CNTNAP4: variants seen among roughly 807,000 people sequenced by gnomAD.
CNTNAP4 encodes the protein contactin associated protein family member 4.
In CNTNAP4, 98 loss-of-function variants were observed where a neutral mutation model predicts 148.4. The ratio of observed to expected loss-of-function variants is 0.66; its 90% CI spans 0.56 to 0.78. The LOEUF is 0.78. CNTNAP4 is among the 30% of genes least tolerant of loss of function. The pLI is 0.00. For missense variants in CNTNAP4, 1,935 were observed against 1,565.6 expected, an observed-to-expected ratio of 1.24 and a Z score of -3.98; for synonymous variants, 730 against 565.1, an observed-to-expected ratio of 1.29 and a Z score of -4.14.
chr16:76,460,596 C>G (rs1351024581), intron 8 of CNTNAP4, among the ~76,000 whole-genome samples: 77 of 144,532 alleles, frequency 5.3e-4, no homozygotes, highest in African/African-American at 1.7e-3. Context: ...CCCGTCTCTA[C>G]TAAAAATACA....
intron 1 of CNTNAP4, among the ~76,000 whole-genome samples, chr16:76,310,830 C>T (rs1567656650): frequency 6.6e-6 from 1 of 151,952 alleles, no homozygotes; most frequent in Non-Finnish European, 1.5e-5. Flanking sequence ...TTTAGGTCAC[C>T]AGTGCTTGTT....
intron 3 of CNTNAP4, among the ~76,000 whole-genome samples, chr16:76,374,288 C>T (rs188984990): frequency 6.4e-4 from 98 of 152,192 alleles, no homozygotes; most frequent in African/African-American, 2.2e-3. Flanking sequence ...ATATCAGTTT[C>T]AGAGAAAAGA....
At chr16:76,475,610 T>A (rs1172719255) in intron 10 of CNTNAP4, among the ~76,000 whole-genome samples, 2 of 152,196 alleles carry the variant, frequency 1.3e-5, no homozygotes, top group Non-Finnish European at 2.9e-5. Flanking sequence ...AGCAATTCAA[T>A]GTGATAAAAT....
intron 15 of CNTNAP4, among the ~76,000 whole-genome samples, chr16:76,517,712 T>C (rs2083302728): frequency 6.6e-6 from 1 of 152,206 alleles, no homozygotes; most frequent in Admixed American, 6.5e-5. Flanking sequence ...TAAAGTGTGC[T>C]ATTGAATGGC....
chr16:76,550,705 C>T (rs1199327722), intron 21 of CNTNAP4, among the ~76,000 whole-genome samples: 3 of 150,880 alleles, frequency 2.0e-5, no homozygotes, highest in Non-Finnish European at 2.9e-5. Context: ...ATCAAGAATG[C>T]GGTCTTTTTC....
At chr16:76,326,770 AG>A (rs1304976466) in intron 2 of CNTNAP4, among the ~76,000 whole-genome samples, 13 of 137,858 alleles carry the variant, frequency 9.4e-5, no homozygotes, top group African/African-American at 3.5e-4. Flanking sequence ...GGACACAGGA[AG>A]GGGAACATCA....
chr16:76,279,751 A>G lies in CNTNAP4; in HGVS notation c.85+2004A>G, dbSNP rs529658363. On this transcript the variant is annotated intron_variant, in intron 1 of 23. Coordinates refer to ENST00000611870, the MANE Select transcript of CNTNAP4 (RefSeq NM_033401.5). ...AATGACCTTATATAATTAAAGTTGC[A>G]CTCAGTAATTTATTGTGAATATTTT... is the stretch of plus-strand genomic sequence containing the variant. Among the ~76,000 whole-genome samples the G allele has an allele frequency of 1.1e-4, 16 of 152,300 alleles. No homozygotes were observed. The South Asian group carries it at 3.1e-3, about 30-fold the overall frequency.
intron 3 of CNTNAP4, among the ~76,000 whole-genome samples, chr16:76,394,397 A>T (rs1375585552): frequency 6.6e-6 from 1 of 152,224 alleles, no homozygotes; most frequent in African/African-American, 2.4e-5. Flanking sequence ...TATGTCCTCT[A>T]AATGCTAATT....
intron 4 of CNTNAP4, among the ~76,000 whole-genome samples, chr16:76,430,199 T>C (rs1160669213): frequency 6.6e-6 from 1 of 152,222 alleles, no homozygotes; most frequent in Admixed American, 6.5e-5. Context: ...TTAAAGTTAA[T>C]ATGTGTCAGA....
intron 4 of CNTNAP4, among the ~76,000 whole-genome samples, chr16:76,435,959 C>T (rs1053310686): frequency 1.4e-4 from 22 of 152,104 alleles, no homozygotes; most frequent in East Asian, 7.7e-4. Context: ...CCAGATTTCT[C>T]TTCATATAAA....
At chr16:76,336,036 G>A (rs1053558758) in intron 2 of CNTNAP4, among the ~76,000 whole-genome samples, 2 of 152,116 alleles carry the variant, frequency 1.3e-5, no homozygotes, top group Non-Finnish European at 2.9e-5. Flanking sequence ...TTGATGGAAA[G>A]GTAGACAAAT....
Position 76,462,172 on chromosome 16 carries a change from C to T in CNTNAP4, c.1483+67C>T, listed in dbSNP as rs574240314. 3.3e-5 allele frequency: 45 copies of T among 1,359,914 alleles called. 1 individual carries two copies. Among genetic ancestry groups the T allele is most frequent in the Middle Eastern group, 4.7e-4 (2 of 4,296 alleles). 84.2% of individuals were successfully genotyped at this position (1,359,914 alleles called of 1,614,324 possible). ...TTGCATTAGTGCCCCCGTGTCTTGG[C>T]GAAGTCATCATGTTTTAACTAATAT... On this transcript the variant is annotated intron_variant, in intron 9 of 23. Transcript: ENST00000611870.
At chr16:76,434,476 G>C (rs571927684) in intron 4 of CNTNAP4, among the ~76,000 whole-genome samples, 2 of 152,278 alleles carry the variant, frequency 1.3e-5, no homozygotes, top group East Asian at 1.9e-4. Flanking sequence ...TAGTACAACA[G>C]CTGCAATTGC....
chr16:76,436,947 C>A (rs527758981), intron 4 of CNTNAP4, among the ~76,000 whole-genome samples: 1 of 113,098 alleles, frequency 8.8e-6, no homozygotes, highest in East Asian at 2.8e-4. Context: ...CAGTATTAAT[C>A]TGACTAATAC....
Position 76,558,832 on chromosome 16 carries a change from A to G in CNTNAP4, c.*149A>G. Reference sequence around the variant, plus strand: ...CCATGTACAGGCTTGGGGTGGCTCCAGGAAGCCTCGTCCAGTGATATATTT... The same window carrying G: ...CCATGTACAGGCTTGGGGTGGCTCCGGGAAGCCTCGTCCAGTGATATATTT... On this transcript the variant is annotated 3_prime_UTR_variant, in exon 24 of 24. Transcript: ENST00000611870. 1 of 539,972 alleles carries G rather than the reference A, an allele frequency of 1.9e-6. No homozygotes were observed. The highest frequency in any genetic ancestry group is 3.0e-5 in the East Asian group (1 of 33,040). 33.4% of individuals were successfully genotyped at this position (539,972 alleles called of 1,614,324 possible).
chr16:76,296,068 T>C (rs9935949), intron 1 of CNTNAP4, among the ~76,000 whole-genome samples: 3,037 of 152,314 alleles, frequency 0.02, 107 homozygotes, highest in African/African-American at 0.068. Flanking sequence ...ATTTAAAAGC[T>C]TTTTTGAGAT....
chr16:76,308,380 A>G (rs985311245), intron 1 of CNTNAP4, among the ~76,000 whole-genome samples: 6 of 152,226 alleles, frequency 3.9e-5, no homozygotes, highest in Admixed American at 3.9e-4. Context: ...TATGCTTAGA[A>G]AAATTATATT....
At chr16:76,425,027 C>T (rs1257565000) in intron 3 of CNTNAP4, among the ~76,000 whole-genome samples, 1 of 152,058 alleles carries the variant, frequency 6.6e-6, no homozygotes, top group African/African-American at 2.4e-5. Flanking sequence ...ATATAGAAAA[C>T]AGCTAACCTT....
At chr16:76,489,440 T>C (rs571581824) in intron 12 of CNTNAP4, among the ~76,000 whole-genome samples, 2 of 152,250 alleles carry the variant, frequency 1.3e-5, no homozygotes, top group African/African-American at 4.8e-5. Flanking sequence ...GTGGCTAAAT[T>C]ATATGAAAAT....
Sources: gnomAD v4.1 joint callset for allele counts (sites outside exome capture counted in the v4.1 genomes callset) on GRCh38, gnomAD v4.1.1 for gene constraint, MANE v1.5 for transcripts, NCBI Gene and HGNC (gene_info 2026-07-23, HGNC 2026-07-21) for gene names.